The following LMAN2L variants were observed in gnomAD, a reference collection of about 807,000 sequenced individuals.
LMAN2L encodes the protein lectin, mannose binding 2 like, also known as VIP36-like protein.
Under a neutral mutation model 44.3 loss-of-function variants are expected in LMAN2L, and 30 were observed. The observed-to-expected ratio is 0.68, with a 90% CI of 0.51 to 0.92. LMAN2L has a LOEUF of 0.92. Among genes scored for constraint, LMAN2L ranks in the 40% least tolerant of loss-of-function variants. The pLI, the probability that LMAN2L is intolerant of heterozygous loss-of-function variation, is 0.00. For missense variants in LMAN2L, 429 were observed against 446.1 expected (o/e 0.96, Z 0.35); for synonymous variants, 183 against 171.1 (o/e 1.07, Z -0.54).
At chr2:96,721,966 ACTTT>A (rs927618575) in intron 4 of LMAN2L, among the ~76,000 whole-genome samples, 11 of 151,138 alleles carry the variant, frequency 7.3e-5, no homozygotes, top group South Asian at 4.2e-4. Flanking sequence ...TTTATTGTGT[ACTTT>A]CTTTCTTTTT....
intron 2 of LMAN2L, 44 bp from the exon 3 acceptor site, chr2:96,734,570 C>T: frequency 8.3e-7 from 1 of 1,201,916 alleles, no homozygotes. Flanking sequence ...GCATGAAATG[C>T]AAAACCCCTC....
chr2:96,707,755 T>C lies in LMAN2L; in HGVS notation c.863A>G (p.Asp288Gly), dbSNP rs899595811. 6.2e-7 allele frequency: 1 copy of C among 1,614,096 alleles called. No individual in the cohort carries two copies. The highest frequency in any genetic ancestry group is 8.5e-7 in the Non-Finnish European group (1 of 1,179,984). ...ATTGTCCACTGAGGGCAAGAACACATCTCGATGGAGCTTTTCCTCTTCTGG... is the reference window on the plus strand; with the variant it reads ...ATTGTCCACTGAGGGCAAGAACACACCTCGATGGAGCTTTTCCTCTTCTGG... ...RTPEEEKLHR[D>G]VFLPSVDNMK... Residue 288 changes from aspartate (D) to glycine (G), a missense_variant, in exon 7 of 8, where the codon GAT becomes GGT. Coordinates refer to ENST00000264963, the MANE Select transcript of LMAN2L (RefSeq NM_030805.4).
rs886302557 is a variant in LMAN2L at position 96,706,117 on chromosome 2, G to A, written c.*1139C>T. The A allele has an allele frequency of 1.3e-5, 2 of 152,604 alleles. No homozygotes were observed. Among genetic ancestry groups the A allele is most frequent in the African/African-American group, 4.8e-5 (2 of 41,424 alleles). The allele number at this position is 152,604 out of a possible 1,614,324, so 9.5% of individuals were successfully genotyped here. A position where few individuals can be genotyped will look rare whatever the true frequency, so the allele number is the denominator to read the frequency against. On this transcript the variant is annotated 3_prime_UTR_variant, in exon 8 of 8. Transcript: ENST00000264963. The stretch of plus-strand genomic sequence containing the variant: ...AAGGGTTGACAGAGGCCAGCACTCA[G>A]GCTGTGCTGCTCAATGACAGTGAAC...
intron 4 of LMAN2L, among the ~76,000 whole-genome samples, chr2:96,719,387 A>G (rs1171219697): frequency 6.7e-6 from 1 of 149,750 alleles, no homozygotes; most frequent in Non-Finnish European, 1.5e-5. Flanking sequence ...CTCAGAAAAG[A>G]AACATGTTAA....
At chr2:96,707,898 G>A (rs2077821244) in intron 6 of LMAN2L, 65 bp from the exon 7 acceptor site, 1 of 1,551,192 alleles carries the variant, frequency 6.4e-7, no homozygotes, top group Non-Finnish European at 8.8e-7. Flanking sequence ...CTTGAAGTCA[G>A]TATCTTAGTT....
intron 4 of LMAN2L, among the ~76,000 whole-genome samples, chr2:96,719,333 G>A (rs555011257): frequency 9.5e-4 from 144 of 152,194 alleles, no homozygotes; most frequent in African/African-American, 3.4e-3. Flanking sequence ...AGCATCCTCT[G>A]GAGCACTGGC....
chr2:96,738,096 C>A, intron 1 of LMAN2L, 29 bp from the exon 2 acceptor site: 1 of 1,464,228 alleles, frequency 6.8e-7, no homozygotes, highest in Non-Finnish European at 9.6e-7. Flanking sequence ...TCAGTTCATA[C>A]TTTTCAACAC....
chr2:96,739,570 T>C (rs1244657425), intron 1 of LMAN2L, among the ~76,000 whole-genome samples: 3 of 152,180 alleles, frequency 2.0e-5, no homozygotes, highest in Non-Finnish European at 2.9e-5. Flanking sequence ...CCATTCTCAA[T>C]TCTCTCCCCT....
intron 4 of LMAN2L, among the ~76,000 whole-genome samples, chr2:96,719,020 G>A (rs1171895491): frequency 6.6e-6 from 1 of 152,104 alleles, no homozygotes; most frequent in Non-Finnish European, 1.5e-5. Context: ...CCAAAATCAG[G>A]AGACTAAATT....
intron 4 of LMAN2L, among the ~76,000 whole-genome samples, chr2:96,721,008 G>C (rs769268019): frequency 6.6e-6 from 1 of 152,010 alleles, no homozygotes; most frequent in East Asian, 1.9e-4. Flanking sequence ...TTCACTTAAA[G>C]TATATAATTC....
At chr2:96,718,109 C>T (rs1346883085) in intron 4 of LMAN2L, among the ~76,000 whole-genome samples, 2 of 152,134 alleles carry the variant, frequency 1.3e-5, no homozygotes, top group Non-Finnish European at 2.9e-5. Context: ...GCACCTGCCA[C>T]CAAGCCCGGC....
chr2:96,709,880 G>C (rs74869092), intron 6 of LMAN2L, among the ~76,000 whole-genome samples: 4,215 of 152,250 alleles, frequency 0.028, 195 homozygotes, highest in African/African-American at 0.097. Context: ...AAAAAACTTA[G>C]ACTAAACAAA....
intron 4 of LMAN2L, among the ~76,000 whole-genome samples, chr2:96,717,840 T>TAA (rs1302488358): frequency 0.078 from 9,469 of 121,918 alleles, 345 homozygotes; most frequent in Middle Eastern, 0.2. Flanking sequence ...ACTCTGTCTC[T>TAA]AAAAAAAAAA....
chr2:96,711,607 T>C (rs2077917527), intron 6 of LMAN2L, 49 bp downstream of exon 6: 2 of 1,239,986 alleles, frequency 1.6e-6, no homozygotes, highest in Admixed American at 1.7e-5. Context: ...AGTGTGGGTA[T>C]TGAGAAGAGG....
At chr2:96,718,311 A>G (rs1382044400) in intron 4 of LMAN2L, among the ~76,000 whole-genome samples, 1 of 152,196 alleles carries the variant, frequency 6.6e-6, no homozygotes, top group African/African-American at 2.4e-5. Context: ...ATAAAGATTA[A>G]TCTGAATCTA....
intron 4 of LMAN2L, among the ~76,000 whole-genome samples, chr2:96,727,133 T>C (rs754847846): frequency 5.5e-4 from 83 of 151,392 alleles, no homozygotes; most frequent in Middle Eastern, 3.4e-3. Flanking sequence ...CACAAACACA[T>C]ATATATATAT....
intron 4 of LMAN2L, among the ~76,000 whole-genome samples, chr2:96,713,893 G>A (rs945469311): frequency 1.3e-5 from 2 of 152,192 alleles, no homozygotes; most frequent in East Asian, 1.9e-4. Context: ...AGCCATTAGC[G>A]ACAAGAGGTA....
chr2:96,723,621 G>C (rs1322204895), intron 4 of LMAN2L, among the ~76,000 whole-genome samples: 1 of 151,968 alleles, frequency 6.6e-6, no homozygotes, highest in Non-Finnish European at 1.5e-5. Context: ...GAATCAATCC[G>C]ATATTTTTTT....
chr2:96,727,164 T>C (rs937650707), intron 4 of LMAN2L, among the ~76,000 whole-genome samples: 11 of 152,166 alleles, frequency 7.2e-5, no homozygotes, highest in African/African-American at 2.2e-4. Context: ...GGTTTTTTCA[T>C]AGATGCCCTT....
Sources: allele counts gnomAD v4.1 joint callset (sites outside exome capture counted in the v4.1 genomes callset), GRCh38; gene constraint gnomAD v4.1.1; transcripts MANE v1.5; gene names NCBI Gene and HGNC (gene_info 2026-07-23, HGNC 2026-07-21).